The following DLC1 variants were observed in gnomAD, a reference collection of about 807,000 sequenced individuals.
DLC1 encodes the protein rho GTPase-activating protein 7.
A neutral mutation model predicts 140.3 loss-of-function variants in DLC1; 54 were observed. That is an observed-to-expected ratio of 0.38 (90% CI 0.31 to 0.48). DLC1 has a LOEUF of 0.48. Ranked by LOEUF, DLC1 falls within the 20% of genes least tolerant of loss-of-function variation. DLC1 has a pLI of 0.96. For synonymous variants in DLC1, 986 were observed against 728.1 expected, an observed-to-expected ratio of 1.35 and a Z score of -5.70; for missense variants, 2,536 against 1,907.0, an observed-to-expected ratio of 1.33 and a Z score of -6.14.
chr8:13,461,539 T>C (rs1799657396), intron 2 of DLC1, among the ~76,000 whole-genome samples: 2 of 152,238 alleles, frequency 1.3e-5, no homozygotes, highest in Admixed American at 1.3e-4. Flanking sequence ...GTTGAGTTTA[T>C]CTTCTGTAGT....
intron 1 of DLC1, among the ~76,000 whole-genome samples, chr8:13,557,276 C>T (rs1015971311): frequency 6.6e-6 from 1 of 152,034 alleles, no homozygotes. Context: ...TCTAACAAGA[C>T]CAAATGGTGA....
intron 5 of DLC1, among the ~76,000 whole-genome samples, chr8:13,120,632 C>T (rs1820983301): frequency 6.6e-6 from 1 of 151,750 alleles, no homozygotes; most frequent in African/African-American, 2.4e-5. Flanking sequence ...ACTAAAAATA[C>T]AATGGAAATA....
In DLC1 at chr8:13,499,882, A is replaced by G. The variant is rs777275779; in HGVS notation, c.190T>C (p.Cys64Arg). The G allele has an allele frequency of 6.2e-7, 1 of 1,614,128 alleles. No homozygotes were observed. The highest frequency in any genetic ancestry group is 2.2e-5 in the East Asian group (1 of 44,874). ...TCTCTCAGCTCTGATCCATGACAGC[A>G]GTCAGGTAGTGAAACACACTTCTCT... is the stretch of plus-strand genomic sequence containing the variant. ...RKEKCVSLPD[C>R]CHGSELRDFP... Residue 64 changes from cysteine (C) to arginine (R), a missense_variant, in exon 2 of 18, where the codon TGC becomes CGC. By Grantham distance (180) the Cys-to-Arg change is radical. Coordinates refer to ENST00000276297, the MANE Select transcript of DLC1 (RefSeq NM_182643.3).
intron 4 of DLC1, among the ~76,000 whole-genome samples, chr8:13,311,704 C>T (rs1255325931): frequency 6.6e-6 from 1 of 152,092 alleles, no homozygotes; most frequent in Non-Finnish European, 1.5e-5. Flanking sequence ...TTTGGGGTCT[C>T]AGCTTAAATT....
chr8:13,171,168 TG>T (rs1486655739), intron 5 of DLC1, among the ~76,000 whole-genome samples: 1 of 152,186 alleles, frequency 6.6e-6, no homozygotes, highest in Non-Finnish European at 1.5e-5. Context: ...ATTAGAGATT[TG>T]GGCAAGAAAG....
chr8:13,562,377 A>G (rs145926516), intron 1 of DLC1, among the ~76,000 whole-genome samples: 18 of 152,306 alleles, frequency 1.2e-4, no homozygotes, highest in African/African-American at 4.3e-4. Context: ...TTGAAAAGAA[A>G]AAAACAAAAT....
At chr8:13,120,502 G>T (rs529350847) in intron 5 of DLC1, among the ~76,000 whole-genome samples, 1 of 151,358 alleles carries the variant, frequency 6.6e-6, no homozygotes, top group Admixed American at 6.6e-5. Context: ...TGTTTTGGGG[G>T]GCCTCTAACA....
chr8:13,298,266 C>G (rs1034454842), intron 5 of DLC1, among the ~76,000 whole-genome samples: 40 of 152,182 alleles, frequency 2.6e-4, no homozygotes, highest in Non-Finnish European at 5.9e-5. Context: ...CAAAGTCAGG[C>G]TCTAAGTCAT....
chr8:13,562,310 G>C (rs566932685), intron 1 of DLC1, among the ~76,000 whole-genome samples: 33 of 152,000 alleles, frequency 2.2e-4, no homozygotes, highest in Middle Eastern at 6.8e-3. Flanking sequence ...GAGCTATTTG[G>C]AACCAAGTCA....
intron 2 of DLC1, among the ~76,000 whole-genome samples, chr8:13,457,947 T>C (rs1340725970): frequency 6.6e-6 from 1 of 152,156 alleles, no homozygotes; most frequent in Non-Finnish European, 1.5e-5. Context: ...TCATTTATTA[T>C]CTTTTTTGAA....
At chr8:13,092,443 C>G (rs1818152186) in intron 13 of DLC1, among the ~76,000 whole-genome samples, 169 bp downstream of exon 13, 1 of 152,200 alleles carries the variant, frequency 6.6e-6, no homozygotes, top group Non-Finnish European at 1.5e-5. Flanking sequence ...TGCACGCCAA[C>G]AGACCAGTCT....
intron 1 of DLC1, among the ~76,000 whole-genome samples, chr8:13,527,356 C>T (rs982561504): frequency 2.0e-5 from 3 of 152,076 alleles, no homozygotes; most frequent in African/African-American, 7.2e-5. Flanking sequence ...CAGCATGAAG[C>T]TTTTTTGTCT....
chr8:13,362,889 G>C (rs1835300819), intron 4 of DLC1, among the ~76,000 whole-genome samples: 1 of 152,046 alleles, frequency 6.6e-6, no homozygotes, highest in Non-Finnish European at 1.5e-5. Flanking sequence ...CATCACTTAA[G>C]TGTTCCAGCA....
chr8:13,175,881 C>T (rs757506693), intron 5 of DLC1, among the ~76,000 whole-genome samples: 5 of 152,190 alleles, frequency 3.3e-5, no homozygotes, highest in Non-Finnish European at 7.4e-5. Context: ...CAGCTTCCCT[C>T]TCCTTCTCCA....
chr8:13,570,206 C>G (rs748797066), intron 1 of DLC1, among the ~76,000 whole-genome samples: 3 of 152,168 alleles, frequency 2.0e-5, no homozygotes, highest in Non-Finnish European at 4.4e-5. Flanking sequence ...TCCCTCCCCA[C>G]TATATTCAAG....
rs540928302 is a variant in DLC1 at position 13,266,783 on chromosome 8, C to T, written c.1348+38486G>A. On this transcript the variant is annotated intron_variant, in intron 5 of 17. Transcript: ENST00000276297. Reference sequence around the variant, plus strand: ...AAAACAAAACAAAAAAAGAGAAAGCCCTTTGCATGGTTCTAATACAACAAA... The same window carrying T: ...AAAACAAAACAAAAAAAGAGAAAGCTCTTTGCATGGTTCTAATACAACAAA... Among the ~76,000 whole-genome samples the T allele has an allele frequency of 2.9e-3, 441 of 152,040 alleles. 1 individual carries two copies. Among genetic ancestry groups the T allele is most frequent in the Middle Eastern group, 0.01 (3 of 294 alleles).
chr8:13,240,526 A>G (rs1409314477), intron 5 of DLC1, among the ~76,000 whole-genome samples: 1 of 152,174 alleles, frequency 6.6e-6, no homozygotes, highest in East Asian at 1.9e-4. Flanking sequence ...CCCTGGCTCA[A>G]GGGATCCTCC....
chr8:13,585,307 T>C (rs556558602), intron 1 of DLC1, among the ~76,000 whole-genome samples: 5 of 152,230 alleles, frequency 3.3e-5, no homozygotes, highest in Admixed American at 3.3e-4. Flanking sequence ...CTTACACCTG[T>C]AATCCCAGCA....
chr8:13,582,643 G>A (rs1223930300), intron 1 of DLC1, among the ~76,000 whole-genome samples: 5 of 151,720 alleles, frequency 3.3e-5, no homozygotes, highest in African/African-American at 1.2e-4. Context: ...ACGGCCTATT[G>A]CGGGATCTTG....
Sources: gnomAD v4.1 joint callset for allele counts (sites outside exome capture counted in the v4.1 genomes callset) on GRCh38, gnomAD v4.1.1 for gene constraint, MANE v1.5 for transcripts, NCBI Gene and HGNC (gene_info 2026-07-23, HGNC 2026-07-21) for gene names.